Variants in MAGI1 observed in about 807,000 individuals in gnomAD.
MAGI1 encodes membrane-associated guanylate kinase, WW and PDZ domain-containing protein 1.
In MAGI1, 58 loss-of-function variants were observed where a neutral mutation model predicts 139.9. That is an observed-to-expected ratio of 0.41 (90% CI 0.34 to 0.52). The LOEUF is 0.52. Among genes scored for constraint, MAGI1 ranks in the 20% least tolerant of loss-of-function variants. The probability of loss-of-function intolerance (pLI) is 0.12; values close to 1 mark genes in which losing one functional copy is unlikely to be tolerated. For missense variants in MAGI1, 1,874 were observed against 1,901.6 expected (o/e 0.99, Z 0.27); for synonymous variants, 812 against 737.9 (o/e 1.10, Z -1.63).
chr3:65,592,548 G>C (rs1047710608), intron 2 of MAGI1, among the ~76,000 whole-genome samples: 5 of 152,102 alleles, frequency 3.3e-5, no homozygotes, highest in Admixed American at 6.5e-5. Context: ...ATTTCAGATG[G>C]GGAAAAGAAA....
chr3:65,981,408 T>C (rs1032291795), intron 1 of MAGI1, among the ~76,000 whole-genome samples: 3 of 152,206 alleles, frequency 2.0e-5, no homozygotes, highest in Non-Finnish European at 4.4e-5. Flanking sequence ...TTTGGAGTTA[T>C]GCTGACTTCA....
intron 22 of MAGI1, chr3:65,359,717 G>A: frequency 1.0e-6 from 1 of 985,186 alleles, no homozygotes; most frequent in Non-Finnish European, 1.2e-6. Flanking sequence ...ACAACCCTGT[G>A]GCAGGTTCAA....
chr3:65,724,548 C>G (rs2033398787), intron 1 of MAGI1, among the ~76,000 whole-genome samples: 1 of 152,144 alleles, frequency 6.6e-6, no homozygotes, highest in East Asian at 1.9e-4. Context: ...TGGTGAGCCA[C>G]TGTTATCTAG....
chr3:65,677,543 G>C (rs2087274254), intron 1 of MAGI1, among the ~76,000 whole-genome samples: 1 of 152,190 alleles, frequency 6.6e-6, no homozygotes, highest in Admixed American at 6.5e-5. Context: ...TATCAGAGAA[G>C]AATCTCAGCA....
intron 1 of MAGI1, among the ~76,000 whole-genome samples, chr3:65,921,932 AC>A: frequency 1.3e-5 from 2 of 150,302 alleles, no homozygotes; most frequent in Non-Finnish European, 2.9e-5. Flanking sequence ...ACACACACAC[AC>A]ACACACACAC....
At chr3:65,473,575 A>C (rs2107594709) in intron 4 of MAGI1, among the ~76,000 whole-genome samples, 1 of 146,038 alleles carries the variant, frequency 6.8e-6, no homozygotes, top group Admixed American at 7.3e-5. Flanking sequence ...TAACAGGAAA[A>C]GGGTAGTGCC....
chr3:65,855,276 T>C (rs1477730895), intron 1 of MAGI1, among the ~76,000 whole-genome samples: 1 of 151,490 alleles, frequency 6.6e-6, no homozygotes, highest in Non-Finnish European at 1.5e-5. Context: ...AGATAAACAG[T>C]ACCAAAGAAA....
intron 10 of MAGI1, among the ~76,000 whole-genome samples, chr3:65,434,073 G>A (rs1947661254): frequency 6.6e-6 from 1 of 152,048 alleles, no homozygotes; most frequent in Admixed American, 6.6e-5. Context: ...ACACAAATGA[G>A]GTATCCCACA....
chr3:65,856,213 G>A (rs1206568401), intron 1 of MAGI1, among the ~76,000 whole-genome samples: 1 of 151,980 alleles, frequency 6.6e-6, no homozygotes, highest in African/African-American at 2.4e-5. Context: ...GTCTAGGTAG[G>A]GTGTCCAGGC....
At chr3:65,419,434 T>A (rs1280258375) in intron 12 of MAGI1, among the ~76,000 whole-genome samples, 1 of 152,180 alleles carries the variant, frequency 6.6e-6, no homozygotes, top group Admixed American at 6.5e-5. Context: ...TGTAGCCCAA[T>A]ACATTGATTT....
intron 1 of MAGI1, among the ~76,000 whole-genome samples, chr3:65,829,042 G>T (rs1035249256): frequency 5.3e-5 from 8 of 152,254 alleles, no homozygotes; most frequent in South Asian, 2.1e-4. Context: ...CAAGGAAAAC[G>T]ATCTTTACCC....
intron 1 of MAGI1, among the ~76,000 whole-genome samples, chr3:66,011,275 T>C (rs1344458324): frequency 2.0e-5 from 3 of 152,140 alleles, no homozygotes; most frequent in African/African-American, 7.2e-5. Flanking sequence ...AGTATTCTTT[T>C]CTCGACAACA....
intron 1 of MAGI1, among the ~76,000 whole-genome samples, chr3:65,822,615 A>G (rs557646710): frequency 6.6e-6 from 1 of 152,368 alleles, no homozygotes; most frequent in African/African-American, 2.4e-5. Context: ...ACTGGCTCAC[A>G]GTTCCACAGG....
chr3:65,573,635 T>C (rs550127895), intron 2 of MAGI1, among the ~76,000 whole-genome samples: 2 of 152,204 alleles, frequency 1.3e-5, no homozygotes, highest in Non-Finnish European at 2.9e-5. Flanking sequence ...GCTAACATCA[T>C]AGTTAATGGT....
chr3:65,972,885 C>T (rs1022293263), intron 1 of MAGI1, among the ~76,000 whole-genome samples: 1 of 152,188 alleles, frequency 6.6e-6, no homozygotes, highest in Non-Finnish European at 1.5e-5. Context: ...TGAAAGACAG[C>T]GGTGCTCCTA....
intron 12 of MAGI1, among the ~76,000 whole-genome samples, chr3:65,404,118 T>C (rs1230810519): frequency 2.6e-5 from 4 of 152,214 alleles, no homozygotes; most frequent in African/African-American, 9.6e-5. Context: ...TGTTCAATAG[T>C]GGCAAGGAGG....
intron 1 of MAGI1, among the ~76,000 whole-genome samples, chr3:65,940,668 T>C (rs1013729096): frequency 1.3e-5 from 2 of 152,224 alleles, no homozygotes; most frequent in African/African-American, 2.4e-5. Context: ...CCATTACTTT[T>C]CTACTGAGAT....
At chr3:65,676,984 A>T (rs1023812151) in intron 1 of MAGI1, among the ~76,000 whole-genome samples, 1 of 152,238 alleles carries the variant, frequency 6.6e-6, no homozygotes, top group Non-Finnish European at 1.5e-5. Context: ...TATTAATTCA[A>T]TGACTCCCGT....
chr3:65,602,484 T>C (rs1214834155), intron 2 of MAGI1, among the ~76,000 whole-genome samples: 2 of 152,074 alleles, frequency 1.3e-5, no homozygotes, highest in African/African-American at 2.4e-5. Flanking sequence ...ATCTACACCA[T>C]AGGTGAATGT....
Sources: allele counts gnomAD v4.1 joint callset (sites outside exome capture counted in the v4.1 genomes callset), GRCh38; gene constraint gnomAD v4.1.1; transcripts MANE v1.5; gene names NCBI Gene and HGNC (gene_info 2026-07-23, HGNC 2026-07-21).